The following TENM3 variants were observed in gnomAD, a reference collection of about 807,000 sequenced individuals.
TENM3 encodes the protein teneurin-3.
TENM3 carries 63 observed loss-of-function variants against 255.1 expected under a neutral mutation model. The ratio of observed to expected loss-of-function variants is 0.25; its 90% CI spans 0.20 to 0.30. TENM3 has a LOEUF of 0.30. Ranked by LOEUF, TENM3 falls within the 10% of genes least tolerant of loss-of-function variation. The pLI, the probability that TENM3 is intolerant of heterozygous loss-of-function variation, is 1.00. For missense variants in TENM3, 2,929 were observed against 3,461.1 expected, an observed-to-expected ratio of 0.85 and a Z score of 3.86; for synonymous variants, 1,306 against 1,322.3, an observed-to-expected ratio of 0.99 and a Z score of 0.27.
At chr4:181,592,205 T>C in the TENM3 span, among the ~76,000 whole-genome samples, 1 of 148,908 alleles carries the variant, frequency 6.7e-6, no homozygotes, top group South Asian at 2.1e-4. Flanking sequence ...GCTTTTAAAA[T>C]GTGCCATTTC....
intron 20 of TENM3, 91 bp from the exon 21 acceptor site, chr4:182,753,359 G>A: frequency 5.3e-6 from 6 of 1,126,266 alleles, no homozygotes; most frequent in Non-Finnish European, 6.5e-6. Flanking sequence ...TGTCACTGGG[G>A]TTAAATAACT....
chr4:181,567,153 A>G, the TENM3 span, among the ~76,000 whole-genome samples: 1 of 152,338 alleles, frequency 6.6e-6, no homozygotes, highest in Middle Eastern at 3.4e-3. Context: ...AATAGGTATT[A>G]TCAAAGCCTG....
intron 3 of TENM3, among the ~76,000 whole-genome samples, chr4:182,500,952 A>G (rs1175923309): frequency 6.6e-6 from 1 of 152,116 alleles, no homozygotes; most frequent in Non-Finnish European, 1.5e-5. Context: ...GAAAAAGTAC[A>G]ACCTAATATT....
chr4:182,249,658 G>A (rs1271899826), intron 1 of TENM3, among the ~76,000 whole-genome samples: 1 of 152,228 alleles, frequency 6.6e-6, no homozygotes, highest in Non-Finnish European at 1.5e-5. Context: ...GGTGGTGGTG[G>A]GGGTTGGGGA....
At chr4:181,552,639 T>C in the TENM3 span, among the ~76,000 whole-genome samples, 3 of 152,218 alleles carry the variant, frequency 2.0e-5, no homozygotes, top group African/African-American at 7.2e-5. Context: ...TTGTATGTTT[T>C]CTGCATTCTC....
the TENM3 span, among the ~76,000 whole-genome samples, chr4:181,946,504 T>A: frequency 6.6e-6 from 1 of 152,196 alleles, no homozygotes; most frequent in African/African-American, 2.4e-5. Context: ...TTACTGCTAA[T>A]TTGTCCAAAC....
At chr4:182,225,657 G>A (rs1245336923) in intron 1 of TENM3, among the ~76,000 whole-genome samples, 1 of 152,166 alleles carries the variant, frequency 6.6e-6, no homozygotes, top group Non-Finnish European at 1.5e-5. Context: ...AAGAGGAACT[G>A]CAGATAATGG....
In TENM3 at chr4:182,612,415, C is replaced by T. The variant is rs548444629; in HGVS notation, c.749+11254C>T. On this transcript the variant is annotated intron_variant, in intron 4 of 27. Coordinates refer to ENST00000511685, the MANE Select transcript of TENM3 (RefSeq NM_001080477.4). ...CACTGTCAACTCCTCTTCTCCTTTT[C>T]TCAGGATCCTCAGGCATTAGAGAAC... Among the ~76,000 whole-genome samples the T allele has an allele frequency of 9.9e-5, 15 of 152,246 alleles. No homozygotes were observed. In the South Asian group the frequency reaches 2.7e-3, roughly 27 times the overall value.
At chr4:182,260,282 G>C (rs886899821) in intron 1 of TENM3, among the ~76,000 whole-genome samples, 1 of 152,154 alleles carries the variant, frequency 6.6e-6, no homozygotes, top group Non-Finnish European at 1.5e-5. Flanking sequence ...TCATATGGTA[G>C]TTCTGTTTTT....
At chr4:182,232,866 A>G (rs1056250453) in intron 1 of TENM3, among the ~76,000 whole-genome samples, 10 of 152,146 alleles carry the variant, frequency 6.6e-5, no homozygotes, top group African/African-American at 2.4e-4. Context: ...GGACAAAAGG[A>G]GGATTCACAT....
the TENM3 span, among the ~76,000 whole-genome samples, chr4:181,605,606 AAAG>A: frequency 8.4e-6 from 1 of 119,504 alleles, no homozygotes; most frequent in Non-Finnish European, 2.0e-5. Flanking sequence ...AGAAAGAAAG[AAAG>A]AAAGAAAAGA....
chr4:182,601,263 TTGTTG>T, intron 4 of TENM3, 102 bp downstream of exon 4: 1 of 956,416 alleles, frequency 1.0e-6, no homozygotes, highest in Non-Finnish European at 1.6e-6. Context: ...GGTTTTGTTG[TTGTTG>T]TGTTTTCTTT....
At chr4:181,587,909 G>A in the TENM3 span, among the ~76,000 whole-genome samples, 3 of 152,252 alleles carry the variant, frequency 2.0e-5, no homozygotes, top group South Asian at 6.2e-4. Context: ...TCTGGGACCT[G>A]CAGCCATGAC....
chr4:182,338,378 A>G (rs1358568387), intron 2 of TENM3, among the ~76,000 whole-genome samples: 1 of 152,218 alleles, frequency 6.6e-6, no homozygotes, highest in African/African-American at 2.4e-5. Context: ...CACTGAGAGA[A>G]TAAAGAGTTT....
the TENM3 span, among the ~76,000 whole-genome samples, chr4:181,732,467 A>C: frequency 6.6e-6 from 1 of 152,202 alleles, no homozygotes; most frequent in African/African-American, 2.4e-5. Context: ...GGTAGAATAA[A>C]AACGTAATGA....
At chr4:182,731,275 G>A (rs1156916835) in intron 16 of TENM3, 136 bp downstream of exon 16, 11 of 816,898 alleles carry the variant, frequency 1.3e-5, no homozygotes, top group Non-Finnish European at 1.9e-5. Flanking sequence ...GGAGGCCGAG[G>A]TGGGCAGATC....
At chr4:182,180,723 A>C (rs1160294335) in intron 1 of TENM3, among the ~76,000 whole-genome samples, 1 of 150,084 alleles carries the variant, frequency 6.7e-6, no homozygotes, top group African/African-American at 2.5e-5. Context: ...TGATCCTGCC[A>C]CCTGGGCCTC....
chr4:181,499,129 A>G, the TENM3 span, among the ~76,000 whole-genome samples: 1 of 152,194 alleles, frequency 6.6e-6, no homozygotes, highest in Admixed American at 6.5e-5. Context: ...CTTAGCCAAC[A>G]CTGAACAGGA....
intron 1 of TENM3, among the ~76,000 whole-genome samples, chr4:182,279,414 T>C (rs796692050): frequency 1.3e-5 from 2 of 152,320 alleles, no homozygotes; most frequent in African/African-American, 4.8e-5. Context: ...ATGAAATGCC[T>C]GTATTGGACA....
Sources: allele counts gnomAD v4.1 joint callset (sites outside exome capture counted in the v4.1 genomes callset), GRCh38; gene constraint gnomAD v4.1.1; transcripts MANE v1.5; gene names NCBI Gene and HGNC (gene_info 2026-07-23, HGNC 2026-07-21).